PRKCI: variants seen among roughly 807,000 people sequenced by gnomAD.
PRKCI encodes protein kinase C iota type.
Under a neutral mutation model 84.0 loss-of-function variants are expected in PRKCI, and 43 were observed. The observed-to-expected ratio is 0.51, with a 90% CI of 0.40 to 0.66. The LOEUF (loss-of-function observed/expected upper bound fraction) is 0.66, where lower values mean the gene tolerates loss of function less well. PRKCI is among the 30% of genes least tolerant of loss of function. The pLI, the probability that PRKCI is intolerant of heterozygous loss-of-function variation, is 0.00. For synonymous variants in PRKCI, 216 were observed against 234.4 expected (o/e 0.92, Z 0.72); for missense variants, 459 against 745.6 (o/e 0.62, Z 4.48).
intron 7 of PRKCI, among the ~76,000 whole-genome samples, chr3:170,274,962 T>C (rs566013937): frequency 4.6e-5 from 7 of 152,320 alleles, no homozygotes; most frequent in African/African-American, 1.7e-4. Context: ...ATAACGAAAG[T>C]ACTTGTTAAA....
chr3:170,225,817 G>GTTA (rs1732614990), intron 1 of PRKCI, among the ~76,000 whole-genome samples: 1 of 151,670 alleles, frequency 6.6e-6, no homozygotes, highest in South Asian at 2.1e-4. Context: ...TGTGTATAGT[G>GTTA]TTATTATTCT....
intron 12 of PRKCI, among the ~76,000 whole-genome samples, chr3:170,286,419 G>A (rs1427048207): frequency 7.0e-6 from 1 of 143,194 alleles, no homozygotes; most frequent in African/African-American, 2.6e-5. Flanking sequence ...AAGAATAAAT[G>A]AAACTGAACA....
intron 2 of PRKCI, among the ~76,000 whole-genome samples, chr3:170,254,234 G>A (rs995727062): frequency 6.6e-6 from 1 of 151,792 alleles, no homozygotes; most frequent in African/African-American, 2.4e-5. Flanking sequence ...TGCATAGTGT[G>A]CAAATATTTT....
chr3:170,287,245 C>G (rs760593657), intron 12 of PRKCI, among the ~76,000 whole-genome samples: 20 of 151,860 alleles, frequency 1.3e-4, no homozygotes, highest in Non-Finnish European at 2.5e-4. Context: ...ATGGGGGGAT[C>G]ACTTGAGCCT....
chr3:170,297,510 A>G, intron 16 of PRKCI, 117 bp downstream of exon 16: 1 of 792,758 alleles, frequency 1.3e-6, no homozygotes, highest in Non-Finnish European at 2.1e-6. Context: ...GCTGGAGTAC[A>G]ATGGCACGAT....
chr3:170,250,244 G>T (rs529117941), intron 2 of PRKCI, among the ~76,000 whole-genome samples: 3 of 148,910 alleles, frequency 2.0e-5, no homozygotes, highest in African/African-American at 7.4e-5. Flanking sequence ...CCACACTCCA[G>T]CCTGGGTGAC....
chr3:170,280,674 C>T (rs892206807), intron 9 of PRKCI, among the ~76,000 whole-genome samples: 3 of 152,114 alleles, frequency 2.0e-5, no homozygotes, highest in Non-Finnish European at 4.4e-5. Flanking sequence ...CTCTTGAACT[C>T]CTGACCTCAA....
At chr3:170,294,870 A>G (rs1204517923) in intron 14 of PRKCI, among the ~76,000 whole-genome samples, 1 of 152,150 alleles carries the variant, frequency 6.6e-6, no homozygotes, top group African/African-American at 2.4e-5. Context: ...TATATGTAAT[A>G]TCTTATTTTT....
intron 2 of PRKCI, among the ~76,000 whole-genome samples, chr3:170,259,377 A>G (rs1381130215): frequency 2.0e-5 from 3 of 152,124 alleles, no homozygotes; most frequent in African/African-American, 7.2e-5. Flanking sequence ...TCTCACCAAA[A>G]AAGAAAACCA....
chr3:170,280,335 C>G lies in PRKCI; in HGVS notation c.814C>G (p.Arg272Gly). The part of the protein sequence containing the change: ...RGSYAKVLLV[R>G]LKKTDRIYAM... ...AAGTTATGCCAAAGTACTGTTGGTT[C>G]GATTAAAAAAAACAGATCGTATTTA... Residue 272 changes from arginine to glycine, a missense_variant, in exon 9 of 18, where the codon CGA becomes GGA. Physicochemically the swap from Arg to Gly is moderately radical, Grantham distance 125 (BLOSUM62 -2). Transcript: ENST00000295797. The G allele has an allele frequency of 6.2e-7, 1 of 1,611,488 alleles. No homozygotes were observed. The highest frequency in any genetic ancestry group is 8.5e-7 in the Non-Finnish European group (1 of 1,179,318).
chr3:170,290,387 A>G (rs993153737), intron 12 of PRKCI, among the ~76,000 whole-genome samples: 1 of 152,050 alleles, frequency 6.6e-6, no homozygotes, highest in Non-Finnish European at 1.5e-5. Flanking sequence ...TTATGACCTA[A>G]TATATGGCCA....
intron 12 of PRKCI, among the ~76,000 whole-genome samples, chr3:170,288,981 TTTA>T (rs1734469369): frequency 1.3e-5 from 2 of 152,218 alleles, no homozygotes; most frequent in African/African-American, 4.8e-5. Context: ...GAACGTTGAT[TTTA>T]TTAAGTGGCA....
chr3:170,250,658 A>G (rs996960448), intron 2 of PRKCI, among the ~76,000 whole-genome samples: 2 of 152,212 alleles, frequency 1.3e-5, no homozygotes, highest in South Asian at 4.1e-4. Context: ...CCATTTATCA[A>G]TTGATGGACA....
intron 15 of PRKCI, 42 bp downstream of exon 15, chr3:170,296,032 C>G (rs770619518): frequency 8.5e-7 from 1 of 1,179,594 alleles, no homozygotes; most frequent in South Asian, 1.9e-5. Flanking sequence ...TTGTCTCTTT[C>G]TATATATATC....
intron 7 of PRKCI, 118 bp from the exon 8 acceptor site, chr3:170,275,111 G>A (rs1266604619): frequency 8.0e-7 from 1 of 1,250,600 alleles, no homozygotes; most frequent in South Asian, 2.1e-5. Flanking sequence ...TTATTCAGAA[G>A]TAAAAACTAA....
chr3:170,251,191 A>G (rs932649994), intron 2 of PRKCI, among the ~76,000 whole-genome samples: 3 of 152,218 alleles, frequency 2.0e-5, no homozygotes, highest in Non-Finnish European at 4.4e-5. Flanking sequence ...ATGGTTTGGG[A>G]AAAAGCAACA....
At position 170,292,838 on chromosome 3, in the gene PRKCI, G is replaced by A. The variant is rs112162367; in HGVS notation, c.1292-545G>A. Among the ~76,000 whole-genome samples the A allele has an allele frequency of 3.6e-3, 544 of 151,846 alleles. 5 individuals carry two copies. Among genetic ancestry groups the A allele is most frequent in the African/African-American group, 0.013 (522 of 41,436 alleles). ...AGGCGGATCACGAGGTCAGGAAATC[G>A]AGACCATTCTGGCTAACATGGTGAA... On this transcript the variant is annotated intron_variant, in intron 13 of 17. Coordinates refer to ENST00000295797, the MANE Select transcript of PRKCI (RefSeq NM_002740.6).
intron 12 of PRKCI, among the ~76,000 whole-genome samples, chr3:170,288,744 G>A (rs1734464204): frequency 6.6e-6 from 1 of 152,132 alleles, no homozygotes; most frequent in African/African-American, 2.4e-5. Flanking sequence ...GCAACAGAGT[G>A]AGACTCCGCC....
chr3:170,290,532 T>TATAA (rs201651461), intron 12 of PRKCI, among the ~76,000 whole-genome samples: 6 of 144,122 alleles, frequency 4.2e-5, no homozygotes, highest in Admixed American at 4.1e-4. Context: ...ATGTATTTTG[T>TATAA]ATATATATAT....
Sources: gnomAD v4.1 joint callset for allele counts (sites outside exome capture counted in the v4.1 genomes callset) on GRCh38, gnomAD v4.1.1 for gene constraint, MANE v1.5 for transcripts, NCBI Gene and HGNC (gene_info 2026-07-23, HGNC 2026-07-21) for gene names.